The following PPP1R9A variants were observed in gnomAD, a reference collection of about 807,000 sequenced individuals.
The protein encoded by PPP1R9A is neurabin-1.
A neutral mutation model predicts 141.9 loss-of-function variants in PPP1R9A; 59 were observed. That is an observed-to-expected ratio of 0.42 (90% confidence interval 0.34 to 0.52). PPP1R9A has a LOEUF of 0.52. PPP1R9A is among the 20% of genes least tolerant of loss of function. The pLI, the probability that PPP1R9A is intolerant of heterozygous loss-of-function variation, is 0.10. For synonymous variants in PPP1R9A, 500 were observed against 569.7 expected (o/e 0.88, Z 1.74); for missense variants, 1,444 against 1,611.9 (o/e 0.90, Z 1.78).
chr7:95,188,568 TTGTG>T (rs995808656), intron 5 of PPP1R9A, among the ~76,000 whole-genome samples: 7 of 150,512 alleles, frequency 4.7e-5, no homozygotes, highest in East Asian at 2.0e-4. Context: ...TTGTTTTTGT[TTGTG>T]TGTGTGTGTG....
At chr7:95,060,422 A>G (rs1812078968) in intron 2 of PPP1R9A, among the ~76,000 whole-genome samples, 1 of 152,204 alleles carries the variant, frequency 6.6e-6, no homozygotes, top group African/African-American at 2.4e-5. Flanking sequence ...CTTGGAATGA[A>G]CTAATAAAGA....
chr7:95,269,330 C>A lies in PPP1R9A; in HGVS notation c.2947C>A (p.Pro983Thr), dbSNP rs751446092. Residue 983 changes from proline (P) to threonine (T), a missense_variant, in exon 14 of 20, where the codon CCC becomes ACC. Pro to Thr is a conservative substitution (Grantham distance 38, BLOSUM62 -1). Around this residue, in one of 5 missense-constraint regions of PPP1R9A, gnomAD observed 459 missense variants for 513.8 expected, o/e 0.89. Coordinates refer to ENST00000433360, the MANE Select transcript of PPP1R9A (RefSeq NM_001166160.2). ...CCTCACCCCGGTGGATAGCAATGTG[C>A]CCTTCTCGTCTGACCACATAGCTGA... Reference protein sequence around the residue: ...PPLTPVDSNVPFSSDHIAEFQ... With the variant: ...PPLTPVDSNVTFSSDHIAEFQ... 27 of 1,598,298 alleles carry A rather than the reference C, an allele frequency of 1.7e-5. No homozygotes were observed. The Admixed American group carries it at 4.5e-4, about 27-fold the overall frequency.
At chr7:95,205,393 C>G (rs1162751371) in intron 7 of PPP1R9A, among the ~76,000 whole-genome samples, 1 of 152,098 alleles carries the variant, frequency 6.6e-6, no homozygotes, top group Non-Finnish European at 1.5e-5. Flanking sequence ...AGAAACAATG[C>G]TAGAACAATT....
chr7:95,095,450 A>G (rs537534921), intron 2 of PPP1R9A, among the ~76,000 whole-genome samples: 1 of 152,346 alleles, frequency 6.6e-6, no homozygotes, highest in African/African-American at 2.4e-5. Flanking sequence ...AAGAATAATG[A>G]GATAACACTG....
intron 2 of PPP1R9A, among the ~76,000 whole-genome samples, chr7:94,955,542 T>A (rs1386499425): frequency 6.6e-6 from 1 of 152,168 alleles, no homozygotes; most frequent in Non-Finnish European, 1.5e-5. Flanking sequence ...TCTAAAAAAA[T>A]GTCTGAACTT....
intron 2 of PPP1R9A, among the ~76,000 whole-genome samples, chr7:95,070,609 A>ATATATATATATATATG (rs1563193480): frequency 1.5e-5 from 2 of 129,158 alleles, no homozygotes; most frequent in African/African-American, 5.4e-5. Flanking sequence ...ATATATATAT[A>ATATATATATATATATG]TACACACACA....
At chr7:95,158,214 G>GA (rs1261561867) in intron 4 of PPP1R9A, among the ~76,000 whole-genome samples, 1 of 152,090 alleles carries the variant, frequency 6.6e-6, no homozygotes, top group Non-Finnish European at 1.5e-5. Context: ...CTCTGGGGGG[G>GA]AAATGGACTC....
intron 6 of PPP1R9A, among the ~76,000 whole-genome samples, chr7:95,202,128 A>T (rs1274266473): frequency 3.9e-5 from 6 of 152,186 alleles, no homozygotes; most frequent in South Asian, 2.1e-4. Flanking sequence ...ATTAACTTAC[A>T]ATATATTGCT....
intron 7 of PPP1R9A, 112 bp downstream of exon 7, chr7:95,203,842 G>A (rs1301767441): frequency 1.4e-6 from 1 of 731,162 alleles, no homozygotes; most frequent in African/African-American, 1.8e-5. Flanking sequence ...AACTTCTCTA[G>A]AGTGATGTGT....
intron 4 of PPP1R9A, among the ~76,000 whole-genome samples, chr7:95,137,581 A>T (rs1825898148): frequency 1.3e-5 from 2 of 152,342 alleles, no homozygotes; most frequent in East Asian, 1.9e-4. Flanking sequence ...ATGGAAACAT[A>T]CATGATGTTT....
chr7:94,916,264 A>G (rs1792065911), intron 2 of PPP1R9A, among the ~76,000 whole-genome samples: 1 of 152,216 alleles, frequency 6.6e-6, no homozygotes, highest in Admixed American at 6.5e-5. Context: ...AGAATTTCAT[A>G]TTCTGAAATA....
Position 95,242,392 on chromosome 7 carries a change from T to C in PPP1R9A, c.2113-5081T>C, listed in dbSNP as rs144048777. On this transcript the variant is annotated intron_variant, in intron 8 of 19. Transcript: ENST00000433360. ...ATTGTAATATTTCTAGAACTAGAGC[T>C]CTCTTAAAACATTTCCTGCAAAGAT... Among the ~76,000 whole-genome samples, 1,072 of 152,236 alleles carry C rather than the reference T, an allele frequency of 7.0e-3. 26 individuals are homozygous for C. Among genetic ancestry groups the C allele is most frequent in the Admixed American group, 0.04 (604 of 15,264 alleles).
intron 2 of PPP1R9A, among the ~76,000 whole-genome samples, chr7:94,985,620 G>C (rs1800724312): frequency 6.6e-6 from 1 of 151,924 alleles, no homozygotes; most frequent in South Asian, 2.1e-4. Context: ...TTTAAAATCT[G>C]TTTTATCAGA....
Position 95,083,661 on chromosome 7 carries a change from C to T in PPP1R9A, c.1396-27598C>T, listed in dbSNP as rs1039769115. On this transcript the variant is annotated intron_variant, in intron 2 of 19. Transcript: ENST00000433360. ...GCTAATCAAGCAGAGATTTCGGAGG[C>T]TCCGTACCACAGGGAATATAGACTT... is the stretch of plus-strand genomic sequence containing the variant. 3.3e-5 allele frequency among the ~76,000 whole-genome samples: 5 copies of T among 151,932 alleles called. 1 individual carries two copies. The highest frequency in any genetic ancestry group is 1.2e-4 in the African/African-American group (5 of 41,230).
chr7:95,056,504 G>C (rs1421568069), intron 2 of PPP1R9A, among the ~76,000 whole-genome samples: 1 of 152,138 alleles, frequency 6.6e-6, no homozygotes, highest in East Asian at 1.9e-4. Flanking sequence ...TGAGGTTAAT[G>C]AAGTGTTGCA....
At chr7:95,256,660 C>G (rs897803655) in intron 12 of PPP1R9A, among the ~76,000 whole-genome samples, 1 of 151,844 alleles carries the variant, frequency 6.6e-6, no homozygotes, top group Non-Finnish European at 1.5e-5. Context: ...CAAAAGAAAT[C>G]AAAAATTTAA....
chr7:94,983,186 T>C (rs1311666930), intron 2 of PPP1R9A, among the ~76,000 whole-genome samples: 1 of 152,226 alleles, frequency 6.6e-6, no homozygotes, highest in African/African-American at 2.4e-5. Flanking sequence ...TCTATTGGTC[T>C]ATATCTCTGT....
chr7:95,013,768 A>G (rs762109052), intron 2 of PPP1R9A, among the ~76,000 whole-genome samples: 2 of 152,144 alleles, frequency 1.3e-5, no homozygotes, highest in African/African-American at 4.8e-5. Context: ...GGTAGAAGTG[A>G]TTTAAAAATT....
intron 2 of PPP1R9A, among the ~76,000 whole-genome samples, chr7:95,022,772 G>T (rs1424199984): frequency 6.6e-6 from 1 of 152,038 alleles, no homozygotes; most frequent in African/African-American, 2.4e-5. Context: ...TTTATGTGAT[G>T]GATTACATTT....
Sources: gnomAD v4.1 joint callset for allele counts (sites outside exome capture counted in the v4.1 genomes callset) on GRCh38, gnomAD v4.1.1 for gene constraint, gnomAD v4.1.1 regional missense constraint, MANE v1.5 for transcripts, NCBI Gene and HGNC (gene_info 2026-07-23, HGNC 2026-07-21) for gene names.